Variants in CPEB3 observed in about 807,000 individuals in gnomAD.
CPEB3 encodes the protein cytoplasmic polyadenylation element binding protein 3.
A neutral mutation model predicts 67.2 loss-of-function variants in CPEB3; 20 were observed. The observed-to-expected ratio is 0.30, with a 90% CI of 0.21 to 0.43. CPEB3 has a LOEUF of 0.43. Among genes scored for constraint, CPEB3 ranks in the 20% least tolerant of loss-of-function variants. CPEB3 has a pLI of 1.00. For synonymous variants in CPEB3, 376 were observed against 393.1 expected (o/e 0.96, Z 0.51); for missense variants, 746 against 968.6 (o/e 0.77, Z 3.05).
chr10:92,105,560 G>GTT (rs1844402274), intron 7 of CPEB3, among the ~76,000 whole-genome samples: 1 of 152,064 alleles, frequency 6.6e-6, no homozygotes, highest in Non-Finnish European at 1.5e-5. Context: ...CATCCAGGAA[G>GTT]TTTTCTTTCA....
intron 1 of CPEB3, among the ~76,000 whole-genome samples, chr10:92,253,126 C>T (rs528719752): frequency 2.0e-5 from 3 of 152,196 alleles, no homozygotes; most frequent in Admixed American, 2.0e-4. Context: ...ATGCTGGTGA[C>T]ATACTTATTC....
chr10:92,235,091 T>A (rs11186868), intron 2 of CPEB3, among the ~76,000 whole-genome samples: 1 of 152,000 alleles, frequency 6.6e-6, no homozygotes, highest in Non-Finnish European at 1.5e-5. Context: ...ACTACAATGG[T>A]CAAAGGCTCT....
rs144321569 is a variant in CPEB3 at position 92,263,605 on chromosome 10, C to T, written c.-11-23244G>A. On this transcript the variant is annotated intron_variant, in intron 1 of 9. Coordinates refer to ENST00000265997, the MANE Select transcript of CPEB3 (RefSeq NM_014912.5). ...ATCTTGCTATGCAGGTATTTCTTGT[C>T]CTACCTCTTCCTATATCCTGTTTCC... Among the ~76,000 whole-genome samples the T allele has an allele frequency of 2.9e-3, 438 of 152,240 alleles. 1 individual carries two copies. The highest frequency in any genetic ancestry group is 4.7e-3 in the Non-Finnish European group (320 of 68,010).
chr10:92,236,326 T>G (rs1851530712), intron 2 of CPEB3, among the ~76,000 whole-genome samples: 1 of 152,208 alleles, frequency 6.6e-6, no homozygotes, highest in African/African-American at 2.4e-5. Flanking sequence ...TCAGTCTCCC[T>G]ATTTATAGAA....
chr10:92,233,344 C>A (rs1851365184), intron 2 of CPEB3, among the ~76,000 whole-genome samples: 1 of 151,996 alleles, frequency 6.6e-6, no homozygotes, highest in Non-Finnish European at 1.5e-5. Context: ...GCCTAGCCAA[C>A]ATGGTGAAAC....
intron 1 of CPEB3, among the ~76,000 whole-genome samples, chr10:92,267,331 A>C (rs935292636): frequency 6.6e-6 from 1 of 152,208 alleles, no homozygotes; most frequent in African/African-American, 2.4e-5. Context: ...GGCAGTATAA[A>C]AACAGGTCTC....
chr10:92,245,269 C>T (rs1852012402), intron 1 of CPEB3, among the ~76,000 whole-genome samples: 1 of 151,100 alleles, frequency 6.6e-6, no homozygotes, highest in South Asian at 2.1e-4. Flanking sequence ...TCTTGAGTAG[C>T]TGGGATTACA....
chr10:92,217,573 C>G (rs1351976487), intron 2 of CPEB3, among the ~76,000 whole-genome samples: 3 of 151,436 alleles, frequency 2.0e-5, no homozygotes, highest in African/African-American at 7.3e-5. Flanking sequence ...ACCAGCATGA[C>G]CAACATGGAG....
chr10:92,254,229 T>TAA (rs61680875), intron 1 of CPEB3, among the ~76,000 whole-genome samples: 18 of 144,596 alleles, frequency 1.2e-4, no homozygotes, highest in African/African-American at 3.5e-4. Context: ...ACCCTGCCTT[T>TAA]AAAAAAAAAA....
chr10:92,286,581 T>C (rs944420277), intron 1 of CPEB3, among the ~76,000 whole-genome samples: 3 of 139,956 alleles, frequency 2.1e-5, no homozygotes, highest in Non-Finnish European at 3.0e-5. Flanking sequence ...CAAGACTCTA[T>C]CTAAAAAAAA....
intron 6 of CPEB3, among the ~76,000 whole-genome samples, chr10:92,117,304 G>C (rs1194278319): frequency 1.4e-5 from 2 of 142,648 alleles, no homozygotes; most frequent in East Asian, 4.1e-4. Flanking sequence ...TTACAGGCAT[G>C]AGCCACCATG....
chr10:92,063,490 C>T (rs1049385246), intron 9 of CPEB3, among the ~76,000 whole-genome samples: 1 of 152,170 alleles, frequency 6.6e-6, no homozygotes, highest in Admixed American at 6.6e-5. Context: ...ACCAGCCGGG[C>T]CCAGTGGCTC....
chr10:92,260,821 C>A (rs1852764391), intron 1 of CPEB3, among the ~76,000 whole-genome samples: 1 of 152,100 alleles, frequency 6.6e-6, no homozygotes, highest in Admixed American at 6.6e-5. Context: ...GTTGGCCAGG[C>A]TGGTCTCGAA....
chr10:92,115,012 A>AGCCGCCTGGCAGC (rs777232353), intron 6 of CPEB3, among the ~76,000 whole-genome samples: 120 of 152,362 alleles, frequency 7.9e-4, no homozygotes, highest in Non-Finnish European at 1.5e-3. Flanking sequence ...CAGCCGGCAG[A>AGCCGCCTGGCAGC]GCCGCCTGGC....
chr10:92,060,921 A>G (rs531329440), intron 9 of CPEB3, among the ~76,000 whole-genome samples: 1 of 152,364 alleles, frequency 6.6e-6, no homozygotes, highest in African/African-American at 2.4e-5. Context: ...GGTTGGAATG[A>G]AAATTAGTAC....
chr10:92,165,936 T>C (rs574669618), intron 4 of CPEB3, among the ~76,000 whole-genome samples: 1 of 152,320 alleles, frequency 6.6e-6, no homozygotes, highest in South Asian at 2.1e-4. Context: ...GGAATGGAAC[T>C]GACCTCTTCA....
intron 7 of CPEB3, among the ~76,000 whole-genome samples, chr10:92,096,480 A>G (rs747737928): frequency 4.6e-5 from 7 of 152,108 alleles, no homozygotes; most frequent in Non-Finnish European, 1.0e-4. Context: ...CAATTCTTCC[A>G]GTATGTTGTC....
intron 6 of CPEB3, among the ~76,000 whole-genome samples, chr10:92,127,230 T>C (rs1430903534): frequency 1.3e-5 from 2 of 152,168 alleles, no homozygotes; most frequent in African/African-American, 4.8e-5. Context: ...GGAGGATTGC[T>C]TGAAGCCAAG....
intron 8 of CPEB3, among the ~76,000 whole-genome samples, chr10:92,086,200 G>C (rs147674718): frequency 6.6e-6 from 1 of 152,262 alleles, no homozygotes; most frequent in Non-Finnish European, 1.5e-5. Context: ...AAACAGATAG[G>C]CAAGAGGCAT....
Sources: gnomAD v4.1 joint callset for allele counts (sites outside exome capture counted in the v4.1 genomes callset) on GRCh38, gnomAD v4.1.1 for gene constraint, MANE v1.5 for transcripts, NCBI Gene and HGNC (gene_info 2026-07-23, HGNC 2026-07-21) for gene names.